Variants in LHPP observed in about 807,000 individuals in gnomAD.
LHPP encodes hLHPP.
Under a neutral mutation model 30.3 loss-of-function variants are expected in LHPP, and 24 were observed. The observed-to-expected ratio is 0.79, with a 90% CI of 0.57 to 1.11. The LOEUF (loss-of-function observed/expected upper bound fraction) is 1.11. LHPP is among the 50% of genes most tolerant of loss of function. The probability of loss-of-function intolerance (pLI) is 0.00; values close to 1 mark genes in which losing one functional copy is unlikely to be tolerated. For missense variants in LHPP, 356 were observed against 367.2 expected, an observed-to-expected ratio of 0.97 and a Z score of 0.25; for synonymous variants, 150 against 157.1, an observed-to-expected ratio of 0.95 and a Z score of 0.34.
chr10:124,471,511 A>G (rs1423538221), intron 1 of LHPP, among the ~76,000 whole-genome samples: 7 of 29,408 alleles, frequency 2.4e-4, no homozygotes, highest in Admixed American at 1.3e-3. Flanking sequence ...TATATATTAT[A>G]TATATTTATA....
chr10:124,473,306 C>G (rs552717283), intron 1 of LHPP, among the ~76,000 whole-genome samples: 10 of 152,306 alleles, frequency 6.6e-5, no homozygotes, highest in African/African-American at 2.4e-4. Context: ...CCCAGGCCCC[C>G]GGCAACAGGC....
chr10:124,597,445 C>CT (rs1948960842), intron 6 of LHPP, among the ~76,000 whole-genome samples: 1 of 152,250 alleles, frequency 6.6e-6, no homozygotes, highest in Non-Finnish European at 1.5e-5. Context: ...ATCAGTGTCA[C>CT]TGCCACCTGT....
chr10:124,474,210 G>T (rs980107550), intron 1 of LHPP, among the ~76,000 whole-genome samples: 12 of 143,292 alleles, frequency 8.4e-5, no homozygotes, highest in Admixed American at 1.5e-4. Context: ...CACAATCTTG[G>T]CTCACTGCAG....
chr10:124,597,786 G>T (rs1428288141), intron 6 of LHPP, among the ~76,000 whole-genome samples: 1 of 152,202 alleles, frequency 6.6e-6, no homozygotes, highest in African/African-American at 2.4e-5. Context: ...CAGACCTCGG[G>T]GGGATCTGGC....
rs774052364 is a variant in LHPP, at chr10:124,484,115, G to A, written c.126-24G>A. 204 of 1,610,104 alleles carry A rather than the reference G, an allele frequency of 1.3e-4. No homozygotes were observed. The highest frequency in any genetic ancestry group is 2.6e-4 in the South Asian group (24 of 90,624). On this transcript the variant is annotated intron_variant, in intron 1 of 6. Transcript: ENST00000368842. Reference sequence around the variant, plus strand: ...CCAACACTCCACGTGCTGACTTCCCGGGCCTGTGTCTCCCCTGCCGCAGAC... The same window carrying A: ...CCAACACTCCACGTGCTGACTTCCCAGGCCTGTGTCTCCCCTGCCGCAGAC...
At chr10:124,573,514 T>C (rs1948616495) in intron 6 of LHPP, among the ~76,000 whole-genome samples, 1 of 152,252 alleles carries the variant, frequency 6.6e-6, no homozygotes, top group African/African-American at 2.4e-5. Context: ...TCTCACTGTG[T>C]TGCCCAGGCT....
intron 6 of LHPP, among the ~76,000 whole-genome samples, chr10:124,549,799 G>T (rs987776900): frequency 6.6e-6 from 1 of 152,246 alleles, no homozygotes; most frequent in African/African-American, 2.4e-5. Flanking sequence ...GGCCTGGGTT[G>T]AATCCTGGCT....
intron 6 of LHPP, among the ~76,000 whole-genome samples, chr10:124,563,311 T>TC: frequency 1.1e-5 from 1 of 93,710 alleles, no homozygotes; most frequent in Non-Finnish European, 2.2e-5. Flanking sequence ...CTCTCTCTTT[T>TC]TCTTTTTTTT....
intron 6 of LHPP, among the ~76,000 whole-genome samples, chr10:124,564,785 G>T (rs114058302): frequency 6.6e-6 from 1 of 152,156 alleles, no homozygotes; most frequent in East Asian, 1.9e-4. Flanking sequence ...TAAGTCCAAT[G>T]TGTGGCATGG....
chr10:124,487,293 T>A (rs1424977236), intron 2 of LHPP, among the ~76,000 whole-genome samples: 1 of 152,212 alleles, frequency 6.6e-6, no homozygotes, highest in East Asian at 1.9e-4. Flanking sequence ...AGACCTTTTT[T>A]TCAGAGGGAT....
intron 3 of LHPP, among the ~76,000 whole-genome samples, chr10:124,491,519 C>A (rs1953527550): frequency 6.6e-6 from 1 of 152,212 alleles, no homozygotes; most frequent in African/African-American, 2.4e-5. Context: ...GCTGCTGTCC[C>A]CCAGCCATTG....
chr10:124,563,407 G>A (rs2133972899), intron 6 of LHPP, among the ~76,000 whole-genome samples: 2 of 146,176 alleles, frequency 1.4e-5, no homozygotes, highest in South Asian at 4.3e-4. Flanking sequence ...AGTGAAAAAA[G>A]CCTATCCCAA....
rs142747479 is a variant in LHPP at position 124,552,043 on chromosome 10, G to C, written c.716+34772G>C. Reference sequence around the variant, plus strand: ...GTCACCTGTCTGTCTTCCAGGCTTCGTGGGACTTCCCAGTGCCCCATTCCT... The same window carrying C: ...GTCACCTGTCTGTCTTCCAGGCTTCCTGGGACTTCCCAGTGCCCCATTCCT... On this transcript the variant is annotated intron_variant, in intron 6 of 6. Coordinates refer to ENST00000368842, the MANE Select transcript of LHPP (RefSeq NM_022126.4). 9.3e-3 allele frequency among the ~76,000 whole-genome samples: 1,418 copies of C among 152,094 alleles called. 19 individuals carry two copies. Among genetic ancestry groups the C allele is most frequent in the Non-Finnish European group, 0.011 (773 of 67,962 alleles).
rs564180933 is a variant in LHPP at position 124,464,650 on chromosome 10, T to A, written c.125+2663T>A. ...GTCACAGATGAGAGCATTCTGTGAG[T>A]GGCACTGGTGGGAATCCAGCAGAGG... On this transcript the variant is annotated intron_variant, in intron 1 of 6. Coordinates refer to ENST00000368842, the MANE Select transcript of LHPP (RefSeq NM_022126.4). Among the ~76,000 whole-genome samples the A allele has an allele frequency of 2.0e-5, 3 of 152,232 alleles. No individual in the cohort carries two copies. In the East Asian group the frequency reaches 5.8e-4, roughly 29 times the overall value.
intron 5 of LHPP, among the ~76,000 whole-genome samples, chr10:124,506,199 A>G (rs1288836498): frequency 2.0e-5 from 3 of 151,904 alleles, no homozygotes; most frequent in African/African-American, 2.4e-5. Context: ...CAGTGAGCCA[A>G]GATGGTACCA....
chr10:124,512,085 A>G (rs1189470470), intron 5 of LHPP, among the ~76,000 whole-genome samples: 1 of 152,144 alleles, frequency 6.6e-6, no homozygotes, highest in African/African-American at 2.4e-5. Flanking sequence ...GAGACTGTGG[A>G]ATTACCTGAT....
At chr10:124,471,266 G>C in intron 1 of LHPP, among the ~76,000 whole-genome samples, 1 of 150,602 alleles carries the variant, frequency 6.6e-6, no homozygotes, top group Non-Finnish European at 1.5e-5. Context: ...GCATGTGTTT[G>C]GTTAGTCACA....
At chr10:124,595,277 C>CA (rs895724926) in intron 6 of LHPP, among the ~76,000 whole-genome samples, 2 of 152,192 alleles carry the variant, frequency 1.3e-5, no homozygotes, top group Non-Finnish European at 2.9e-5. Flanking sequence ...GCGAGGAGGG[C>CA]ACCCAGCAGG....
chr10:124,488,384 AG>A, intron 2 of LHPP, 37 bp from the exon 3 acceptor site: 1 of 1,608,864 alleles, frequency 6.2e-7, no homozygotes, highest in Non-Finnish European at 8.5e-7. Flanking sequence ...ATGTCCTCCC[AG>A]GGCTCCGTGG....
Sources: allele counts gnomAD v4.1 joint callset (sites outside exome capture counted in the v4.1 genomes callset), GRCh38; gene constraint gnomAD v4.1.1; transcripts MANE v1.5; gene names NCBI Gene and HGNC (gene_info 2026-07-23, HGNC 2026-07-21).